Variants in PDLIM2 observed in about 807,000 individuals in gnomAD.
PDLIM2 encodes the protein PDZ and LIM domain 2.
Under a neutral mutation model 54.1 loss-of-function variants are expected in PDLIM2, and 51 were observed. The ratio of observed to expected loss-of-function variants is 0.94; its 90% CI spans 0.75 to 1.19. PDLIM2 has a LOEUF of 1.19. Ranked by LOEUF, PDLIM2 falls within the 50% of genes most tolerant of loss-of-function variation. PDLIM2 has a pLI of 0.00. For synonymous variants in PDLIM2, 398 were observed against 385.6 expected (o/e 1.03, Z -0.38); for missense variants, 912 against 874.0 (o/e 1.04, Z -0.55).
At chr8:22,580,924 G>A (rs760342240) in intron 2 of PDLIM2, 186 of 694,534 alleles carry the variant, frequency 2.7e-4, no homozygotes, top group Non-Finnish European at 4.4e-4. Flanking sequence ...GGACAGGGCC[G>A]GCTCTTGCCT....
chr8:22,594,601 G>A (rs142438122), downstream of PDLIM2: 15 of 1,613,984 alleles, frequency 9.3e-6, no homozygotes, highest in Admixed American at 1.7e-5. Context: ...AGGGCGCCAA[G>A]CGGAGGGACA....
chr8:22,583,131 C>G (rs1451450222), intron 3 of PDLIM2, among the ~76,000 whole-genome samples: 1 of 152,096 alleles, frequency 6.6e-6, no homozygotes, highest in African/African-American at 2.4e-5. Flanking sequence ...ACGAGGCAGG[C>G]TGTCCCTCAG....
chr8:22,579,676 C>T (rs1800134213), intron 1 of PDLIM2: 1 of 989,730 alleles, frequency 1.0e-6, no homozygotes, highest in African/African-American at 1.7e-5. Context: ...TCTCGCAGCA[C>T]TTGCGTCCCC....
intron 6 of PDLIM2, 21 bp from the exon 6 acceptor site, chr8:22,589,277 C>G (rs1800464048): frequency 6.5e-7 from 1 of 1,533,548 alleles, no homozygotes; most frequent in South Asian, 1.2e-5. Context: ...TGACTCCTCC[C>G]CGGCTGCCTC....
exon 1 of PDLIM2, chr8:22,579,194 G>A: frequency 7.2e-7 from 1 of 1,384,900 alleles, no homozygotes; most frequent in Non-Finnish European, 9.3e-7. Context: ...CCGGGCCTGG[G>A]CGCCCAGCCG....
At chr8:22,583,854 GAAAAAAAAAAAAAAAAAA>G (rs530039600) in intron 3 of PDLIM2, among the ~76,000 whole-genome samples, 20 of 79,118 alleles carry the variant, frequency 2.5e-4, no homozygotes, top group Non-Finnish European at 3.4e-4. Context: ...AGGCAAAATA[GAAAAAAAAAAAAAAAAAA>G]AAAAAAAAAA....
chr8:22,584,340 G>A (rs750650477), intron 3 of PDLIM2, among the ~76,000 whole-genome samples: 13 of 151,774 alleles, frequency 8.6e-5, no homozygotes, highest in Admixed American at 3.9e-4. Flanking sequence ...ACAGAATCTC[G>A]CTGTGTTGCC....
At chr8:22,593,529 A>C in intron 9 of PDLIM2, 1 of 565,624 alleles carries the variant, frequency 1.8e-6, no homozygotes, top group Non-Finnish European at 3.1e-6. Flanking sequence ...GTGAGCTGAG[A>C]TCACACCATT....
At chr8:22,589,182 G>T in intron 6 of PDLIM2, 116 bp from the exon 6 acceptor site, 1 of 1,033,796 alleles carries the variant, frequency 9.7e-7, no homozygotes. Context: ...TCCGCTGGTC[G>T]GCGAGGGCCG....
At chr8:22,580,732 T>G in intron 2 of PDLIM2, 35 bp downstream of exon 1, 2 of 1,606,704 alleles carry the variant, frequency 1.2e-6, no homozygotes, top group Non-Finnish European at 1.7e-6. Context: ...GAGAAGGTCC[T>G]GCCAGAAGCG....
intron 1 of PDLIM2, 63 bp from the exon 1 acceptor site, chr8:22,580,412 G>A: frequency 7.4e-7 from 1 of 1,357,014 alleles, no homozygotes; most frequent in Non-Finnish European, 9.8e-7. Context: ...GCTTCCCAGG[G>A]TGGGGGGAAG....
chr8:22,580,904 G>T (rs535538929), intron 2 of PDLIM2: 2 of 716,224 alleles, frequency 2.8e-6, no homozygotes, highest in African/African-American at 3.5e-5. Flanking sequence ...GTGAAAGGGA[G>T]CTGGGACCAG....
chr8:22,589,849 C>T lies in PDLIM2; in HGVS notation c.1513+108C>T, dbSNP rs1350467587. 11 of 1,424,638 alleles carry T rather than the reference C, an allele frequency of 7.7e-6. No homozygotes were observed. The African/African-American group carries it at 1.4e-4, about 18-fold the overall frequency. 88.2% of individuals were successfully genotyped at this position (1,424,638 alleles called of 1,614,324 possible). A position where few individuals can be genotyped will look rare whatever the true frequency, so the allele number is the denominator to read the frequency against. ...TTCTTAAGTGCCTGTGAGGTGCTCACCCCAGGACTAGGCACGGAGCCGAGC... is the reference window on the plus strand; with the variant it reads ...TTCTTAAGTGCCTGTGAGGTGCTCATCCCAGGACTAGGCACGGAGCCGAGC... On this transcript the variant is annotated intron_variant, in intron 8 of 9. Coordinates refer to ENST00000308354, the Ensembl canonical transcript of PDLIM2.
exon 2 of PDLIM2, chr8:22,580,688 G>A (rs369846357): frequency 1.2e-6 from 2 of 1,613,994 alleles, no homozygotes; most frequent in Non-Finnish European, 8.5e-7. Flanking sequence ...CGCCCATCAT[G>A]GTGACTAAGG....
At chr8:22,589,506 CTCCCCCACGCTCTTCTCCT>C in intron 7 of PDLIM2, 71 bp from the exon 7 acceptor site, 2 of 1,509,060 alleles carry the variant, frequency 1.3e-6, no homozygotes, top group Non-Finnish European at 1.8e-6. Context: ...ATTCCTCCCC[CTCCCCCACGCTCTTCTCCT>C]GCCCCCCACC....
chr8:22,591,183 T>C (rs1800536359), intron 8 of PDLIM2: 1 of 285,980 alleles, frequency 3.5e-6, no homozygotes, highest in Non-Finnish European at 6.8e-6. Flanking sequence ...TGACAAGGCA[T>C]GGAAAAGCAC....
downstream of PDLIM2, chr8:22,594,610 C>T (rs946375363): frequency 6.2e-7 from 1 of 1,613,954 alleles, no homozygotes; most frequent in South Asian, 1.1e-5. Context: ...AGCGGAGGGA[C>T]AGGAGGAAGA....
chr8:22,579,861 C>G (rs562894220), intron 1 of PDLIM2: 4 of 273,210 alleles, frequency 1.5e-5, no homozygotes, highest in Non-Finnish European at 2.7e-5. Context: ...CCTGTCACCC[C>G]GGCTGTCTGT....
chr8:22,589,235 C>T (rs1425044794), intron 6 of PDLIM2, 63 bp from the exon 6 acceptor site: 9 of 1,512,484 alleles, frequency 6.0e-6, no homozygotes, highest in Non-Finnish European at 8.9e-7. Context: ...GGGCTAGGCC[C>T]TCCTGGGTGT....
Sources: allele counts gnomAD v4.1 joint callset (sites outside exome capture counted in the v4.1 genomes callset), GRCh38; gene constraint gnomAD v4.1.1; transcripts MANE v1.5; gene names NCBI Gene and HGNC (gene_info 2026-07-23, HGNC 2026-07-21).